Variants in NT5DC4 observed in about 807,000 individuals in gnomAD.
The protein encoded by NT5DC4 is 5'-nucleotidase domain containing 4, also known as 5'-nucleotidase domain-containing protein 4.
Under a neutral mutation model 26.6 loss-of-function variants are expected in NT5DC4, and 44 were observed. The observed-to-expected ratio is 1.65, with a 90% CI of 1.30 to 2.13. The LOEUF is 2.13. Ranked by LOEUF, NT5DC4 falls within the 30% of genes most tolerant of loss-of-function variation. NT5DC4 has a pLI of 0.00. For synonymous variants in NT5DC4, 157 were observed against 86.7 expected (o/e 1.81, Z -4.51); for missense variants, 399 against 228.1 (o/e 1.75, Z -4.83).
chr2:112,732,417 C>T (rs1277023789), intron 16 of NT5DC4, among the ~76,000 whole-genome samples: 2 of 147,626 alleles, frequency 1.4e-5, no homozygotes, highest in Non-Finnish European at 3.0e-5. Flanking sequence ...TGTGTCTTTA[C>T]AGGGGCAGGT....
intron 16 of NT5DC4, among the ~76,000 whole-genome samples, chr2:112,735,201 G>A (rs1270909312): frequency 3.3e-5 from 5 of 151,304 alleles, no homozygotes; most frequent in Non-Finnish European, 5.9e-5. Context: ...GTACCCCCAC[G>A]CCTGGATAAC....
chr2:112,722,912 G>T, intron 6 of NT5DC4, 141 bp downstream of exon 6: 2 of 161,466 alleles, frequency 1.2e-5, no homozygotes, highest in Non-Finnish European at 1.2e-5. Context: ...TCTATTGCAG[G>T]CTAGCACACA....
In NT5DC4 at chr2:112,721,829, A is replaced by G. The variant is rs1291655561; in HGVS notation, c.86A>G (p.Asn29Ser). The change falls in exon 2 of 17, where the codon AAC becomes AGC. Residue 29 changes from asparagine to serine, a missense_variant. Asn to Ser is a conservative substitution (Grantham distance 46). Transcript: ENST00000688554. Reference protein sequence around the residue: ...KQDWHQRIFVNRSLALGKIRC... With the variant: ...KQDWHQRIFVSRSLALGKIRC... ...CTCTCTCTCCCCAGGATTTTTGTCAACCGCAGCCTGGCGCTGGGGAAGATT... is the reference window on the plus strand; with the variant it reads ...CTCTCTCTCCCCAGGATTTTTGTCAGCCGCAGCCTGGCGCTGGGGAAGATT... 6 of 717,136 alleles carry G rather than the reference A, an allele frequency of 8.4e-6. No individual in the cohort carries two copies. In the East Asian group the frequency reaches 1.6e-4, roughly 19 times the overall value. 44.4% of individuals were successfully genotyped at this position (717,136 alleles called of 1,614,324 possible).
At chr2:112,741,068 TC>T, downstream of NT5DC4, 8 of 1,106,538 alleles carry the variant, frequency 7.2e-6, no homozygotes, top group African/African-American at 1.5e-5. Context: ...CAACTAGAAG[TC>T]AATAACATGA....
intron 16 of NT5DC4, chr2:112,738,699 T>G (rs773890881): frequency 2.1e-5 from 14 of 655,526 alleles, no homozygotes; most frequent in Non-Finnish European, 3.7e-5. Context: ...GTGAATTACT[T>G]AAGTCCTGAG....
At chr2:112,728,838 T>C (rs1463035477) in intron 15 of NT5DC4, among the ~76,000 whole-genome samples, 1 of 152,182 alleles carries the variant, frequency 6.6e-6, no homozygotes, top group Non-Finnish European at 1.5e-5. Context: ...ACAGCTGGGA[T>C]GTGAGCCTGT....
At chr2:112,742,422 C>A, downstream of NT5DC4, 1 of 717,590 alleles carries the variant, frequency 1.4e-6, no homozygotes. Flanking sequence ...TCTCTTCCAG[C>A]AAAGAGCTGT....
chr2:112,738,848 A>C, intron 16 of NT5DC4, 65 bp from the exon 17 acceptor site: 2 of 1,612,364 alleles, frequency 1.2e-6, no homozygotes, highest in Non-Finnish European at 8.5e-7. Flanking sequence ...TTGAAACCCC[A>C]ATGTTACAGG....
In NT5DC4 at chr2:112,726,128, CA is replaced by C. The variant is rs1677679056; in HGVS notation, c.1154-109del. On this transcript the variant is annotated intron_variant, in intron 13 of 16. Coordinates refer to ENST00000688554, the MANE Select transcript of NT5DC4 (RefSeq NM_001393655.1). ...TAAGGGGCCAGGGGTGTTATGCACA[CA>C]GCTCAGGGTGTGCAAGTCCTCCGCT... 4.9e-5 allele frequency: 34 copies of C among 691,860 alleles called. No individual in the cohort carries two copies. In the South Asian group the frequency reaches 5.1e-4, roughly 10 times the overall value. The allele number at this position is 691,860 out of a possible 1,614,324, so 42.9% of individuals were successfully genotyped here.
chr2:112,719,983 TTTCTTTTTC>T (rs1401476301), upstream of NT5DC4, among the ~76,000 whole-genome samples: 20 of 130,756 alleles, frequency 1.5e-4, no homozygotes, highest in African/African-American at 4.4e-4. Flanking sequence ...TCTTTCTTTC[TTTCTTTTTC>T]TTTTCTTTTC....
At chr2:112,737,975 A>T (rs1233696666) in intron 16 of NT5DC4, 1 of 152,228 alleles carries the variant, frequency 6.6e-6, no homozygotes, top group East Asian at 1.9e-4. Context: ...TATTTACATA[A>T]TGACTAAGGT....
At chr2:112,729,441 G>GA (rs1678198407) in intron 15 of NT5DC4, among the ~76,000 whole-genome samples, 186 bp from the exon 16 acceptor site, 1 of 152,182 alleles carries the variant, frequency 6.6e-6, no homozygotes, top group Admixed American at 6.5e-5. Context: ...GATTTTTGAG[G>GA]AAGTGAAGTC....
upstream of NT5DC4, among the ~76,000 whole-genome samples, chr2:112,719,928 T>TTCTTTC (rs1553430174): frequency 0.04 from 833 of 20,958 alleles, 2 homozygotes; most frequent in Non-Finnish European, 0.063. Context: ...TTCTTTCTCT[T>TTCTTTC]TCTTTCTTTC....
downstream of NT5DC4, among the ~76,000 whole-genome samples, chr2:112,740,621 G>A (rs938211022): frequency 1.3e-5 from 2 of 152,172 alleles, no homozygotes; most frequent in Admixed American, 1.3e-4. Flanking sequence ...GGATCTGCAA[G>A]TGCAGGACAA....
At chr2:112,719,896 TTCTTTCTTTTTCTTTCTTTCTTTCTTTC>T (rs1558714268), upstream of NT5DC4, among the ~76,000 whole-genome samples, 319 of 108,892 alleles carry the variant, frequency 2.9e-3, 8 homozygotes, top group African/African-American at 0.011. Flanking sequence ...TTTCCTTTCT[TTCTTTCTTTTTCTTTCTTTCTTTCTTTC>T]TCTTTCTTTC....
intron 15 of NT5DC4, among the ~76,000 whole-genome samples, chr2:112,729,133 T>A (rs951460863): frequency 3.4e-5 from 5 of 149,148 alleles, no homozygotes; most frequent in Non-Finnish European, 7.5e-5. Flanking sequence ...TGGCTTGGGA[T>A]TTTTTTTTTG....
chr2:112,731,917 CTTTTTTTTTTT>C, intron 16 of NT5DC4, among the ~76,000 whole-genome samples: 1 of 108,620 alleles, frequency 9.2e-6, no homozygotes, highest in East Asian at 2.6e-4. Context: ...AGAGAGTTTA[CTTTTTTTTTTT>C]TTTTTTTTTT....
intron 11 of NT5DC4, 26 bp from the exon 12 acceptor site, chr2:112,725,148 T>C: frequency 1.4e-6 from 1 of 709,280 alleles, no homozygotes; most frequent in Non-Finnish European, 2.6e-6. Flanking sequence ...TTCTCCTGGC[T>C]CCAGGGCACC....
intron 16 of NT5DC4, among the ~76,000 whole-genome samples, chr2:112,733,007 T>C (rs1473629204): frequency 2.0e-5 from 3 of 152,178 alleles, no homozygotes; most frequent in Admixed American, 1.3e-4. Context: ...TCTACGTACC[T>C]GTGTATTTTA....
Sources: gnomAD v4.1 joint callset for allele counts (sites outside exome capture counted in the v4.1 genomes callset) on GRCh38, gnomAD v4.1.1 for gene constraint, MANE v1.5 for transcripts, NCBI Gene and HGNC (gene_info 2026-07-23, HGNC 2026-07-21) for gene names.